Variants in COMMD1 observed in about 807,000 individuals in gnomAD.
COMMD1 encodes COMM domain-containing protein 1.
COMMD1 carries 10 observed loss-of-function variants against 17.2 expected under a neutral mutation model. That is an observed-to-expected ratio of 0.58 (90% CI 0.36 to 0.99). COMMD1 has a LOEUF of 0.99. Ranked by LOEUF, COMMD1 falls within the 50% of genes least tolerant of loss-of-function variation. The probability of loss-of-function intolerance (pLI) is 0.01; values close to 1 mark genes in which losing one functional copy is unlikely to be tolerated. For synonymous variants in COMMD1, 97 were observed against 91.6 expected (o/e 1.06, Z -0.34); for missense variants, 270 against 231.8 (o/e 1.17, Z -1.07).
intron 2 of COMMD1, among the ~76,000 whole-genome samples, chr2:62,079,101 C>T (rs1472508503): frequency 6.6e-6 from 1 of 152,108 alleles, no homozygotes. Flanking sequence ...GCCCTTGTTA[C>T]AGGAAAGGGG....
chr2:61,924,384 A>G (rs1572966743), intron 1 of COMMD1, among the ~76,000 whole-genome samples: 1 of 98,138 alleles, frequency 1.0e-5, no homozygotes. Flanking sequence ...CGGAGGGGGG[A>G]TGGTTGGAGA....
intron 2 of COMMD1, among the ~76,000 whole-genome samples, chr2:62,077,598 G>T (rs1671382717): frequency 6.6e-6 from 1 of 151,924 alleles, no homozygotes; most frequent in South Asian, 2.1e-4. Context: ...TCTTCTATGG[G>T]ATTGCAAATT....
chr2:62,004,862 T>C (rs1275893723), intron 2 of COMMD1, among the ~76,000 whole-genome samples: 1 of 152,168 alleles, frequency 6.6e-6, no homozygotes, highest in Non-Finnish European at 1.5e-5. Context: ...ACTGCTGACA[T>C]TGGATGAGCT....
At chr2:62,016,796 G>A in intron 2 of COMMD1, among the ~76,000 whole-genome samples, 1 of 152,072 alleles carries the variant, frequency 6.6e-6, no homozygotes, top group Non-Finnish European at 1.5e-5. Context: ...CAAATCCAAT[G>A]TCATGAAACT....
intron 2 of COMMD1, among the ~76,000 whole-genome samples, chr2:62,045,295 T>C (rs1272968996): frequency 6.6e-6 from 1 of 152,150 alleles, no homozygotes; most frequent in Non-Finnish European, 1.5e-5. Flanking sequence ...AAAACATCTT[T>C]AAAAAATTAA....
chr2:61,905,628 C>A, upstream of COMMD1: 1 of 1,483,736 alleles, frequency 6.7e-7, no homozygotes, highest in South Asian at 1.3e-5. Context: ...ACATCTCGGC[C>A]GCCGTGGCGG....
intron 1 of COMMD1, among the ~76,000 whole-genome samples, chr2:61,943,312 G>C (rs1670802153): frequency 1.3e-5 from 2 of 149,392 alleles, no homozygotes; most frequent in Non-Finnish European, 3.0e-5. Context: ...AACCAAACAG[G>C]GTGCCTGAGA....
chr2:62,085,607 G>A (rs753706022), intron 2 of COMMD1, among the ~76,000 whole-genome samples: 33 of 152,194 alleles, frequency 2.2e-4, no homozygotes, highest in Non-Finnish European at 4.0e-4. Flanking sequence ...GGAGGCCAAG[G>A]TGAGAGGATC....
At chr2:62,104,161 G>A (rs1179244635) in intron 2 of COMMD1, among the ~76,000 whole-genome samples, 2 of 152,116 alleles carry the variant, frequency 1.3e-5, no homozygotes, top group Non-Finnish European at 2.9e-5. Context: ...TTTTGATGAA[G>A]CTTGTTATAG....
intron 2 of COMMD1, among the ~76,000 whole-genome samples, chr2:62,126,278 T>C (rs928186805): frequency 6.6e-6 from 1 of 152,226 alleles, no homozygotes; most frequent in Non-Finnish European, 1.5e-5. Context: ...TTCCTTTGGG[T>C]ATATACCCAG....
chr2:62,128,021 CAAAAA>C (rs56019037), intron 2 of COMMD1, among the ~76,000 whole-genome samples: 2 of 103,254 alleles, frequency 1.9e-5, no homozygotes, highest in Admixed American at 1.1e-4. Flanking sequence ...GACTCTATCT[CAAAAA>C]AAAAAAAAAA....
intron 2 of COMMD1, chr2:62,070,277 T>G (rs1430809474): frequency 1.3e-5 from 2 of 152,214 alleles, no homozygotes; most frequent in African/African-American, 4.8e-5. Context: ...TATAGTTGGC[T>G]GGGTGCAGTT....
At chr2:61,955,215 G>A (rs1411098058) in intron 1 of COMMD1, among the ~76,000 whole-genome samples, 2 of 152,132 alleles carry the variant, frequency 1.3e-5, no homozygotes, top group African/African-American at 2.4e-5. Context: ...GCTGCTGGGT[G>A]TGGTGGCTCA....
In COMMD1 at chr2:61,956,592, G is replaced by T. The variant is rs1345802083; in HGVS notation, c.181-44109G>T. 3.3e-5 allele frequency among the ~76,000 whole-genome samples: 5 copies of T among 151,722 alleles called. No homozygotes were observed. In the South Asian group the frequency reaches 8.4e-4, roughly 25 times the overall value. On this transcript the variant is annotated intron_variant, in intron 1 of 2. Transcript: ENST00000311832. ...GCCTGGCTAATTTTTTGTATTTTTG[G>T]TAGAGATGGGGTTTCACCATGTTGG...
At chr2:62,055,884 G>T (rs1254913120) in intron 2 of COMMD1, among the ~76,000 whole-genome samples, 3 of 152,226 alleles carry the variant, frequency 2.0e-5, no homozygotes, top group African/African-American at 7.2e-5. Context: ...GTGGCACGCA[G>T]TCCAGGTTGA....
intron 2 of COMMD1, among the ~76,000 whole-genome samples, chr2:62,024,665 TATGTA>T (rs1669705060): frequency 6.6e-6 from 1 of 152,210 alleles, no homozygotes. Context: ...CTTCTGTAAA[TATGTA>T]ATGTAATGTT....
intron 1 of COMMD1, among the ~76,000 whole-genome samples, chr2:61,927,071 G>A (rs1403552585): frequency 6.6e-6 from 1 of 152,128 alleles, no homozygotes; most frequent in African/African-American, 2.4e-5. Context: ...TGGTTTTATA[G>A]GCAGAAAGGG....
At chr2:61,888,487 G>A, upstream of COMMD1, 1 of 1,612,138 alleles carries the variant, frequency 6.2e-7, no homozygotes, top group Non-Finnish European at 8.5e-7. Context: ...CCCCGCTCCG[G>A]GGTGCCACAT....
At chr2:62,014,176 C>T (rs759127320) in intron 2 of COMMD1, among the ~76,000 whole-genome samples, 95 of 152,276 alleles carry the variant, frequency 6.2e-4, no homozygotes, top group Non-Finnish European at 9.3e-4. Flanking sequence ...AGTAGCTTGC[C>T]AGCACGCAGC....
Sources: allele counts gnomAD v4.1 joint callset (sites outside exome capture counted in the v4.1 genomes callset), GRCh38; gene constraint gnomAD v4.1.1; transcripts MANE v1.5; gene names NCBI Gene and HGNC (gene_info 2026-07-23, HGNC 2026-07-21).